SLC6A12: variants seen among roughly 807,000 people sequenced by gnomAD.
The protein encoded by SLC6A12 is sodium- and chloride-dependent betaine transporter.
SLC6A12 carries 50 observed loss-of-function variants against 73.3 expected under a neutral mutation model. That is an observed-to-expected ratio of 0.68 (90% CI 0.54 to 0.86). SLC6A12 has a LOEUF of 0.86. SLC6A12 is among the 40% of genes least tolerant of loss of function. The pLI is 0.00. For missense variants in SLC6A12, 648 were observed against 772.8 expected, an observed-to-expected ratio of 0.84 and a Z score of 1.92; for synonymous variants, 304 against 309.2, an observed-to-expected ratio of 0.98 and a Z score of 0.18.
downstream of SLC6A12, among the ~76,000 whole-genome samples, chr12:186,987 C>T (rs1939442542): frequency 1.3e-5 from 2 of 152,180 alleles, no homozygotes; most frequent in East Asian, 1.9e-4. Flanking sequence ...CTCCCCTGCC[C>T]AAAGTTCTCA....
chr12:184,062 A>G, the SLC6A12 span, among the ~76,000 whole-genome samples: 1 of 152,200 alleles, frequency 6.6e-6, no homozygotes, highest in Non-Finnish European at 1.5e-5. Context: ...TCTAAACACA[A>G]TATTAGCAAA....
At position 198,119 on chromosome 12, in the gene SLC6A12, C is replaced by T. The variant is rs536371222; in HGVS notation, c.847-116G>A. ...GCCTGGCCCCTCAGTGCTCCCTGAG[C>T]GCTTCCCTCCTGCATCCCAACTCTC... On this transcript the variant is annotated intron_variant, in intron 8 of 15. Transcript: ENST00000684302. The surrounding 1 kb of genome is among the most constrained non-coding windows in gnomAD (Gnocchi z 4.0). 1.5e-5 allele frequency: 11 copies of T among 741,026 alleles called. No individual in the cohort carries two copies. Among genetic ancestry groups the T allele is most frequent in the Admixed American group, 1.2e-4 (5 of 40,976 alleles). 45.9% of individuals were successfully genotyped at this position (741,026 alleles called of 1,614,324 possible).
In SLC6A12 at chr12:191,119, G is replaced by A. The variant is rs773615056; in HGVS notation, c.1794C>T (p.Pro598=). 8 of 1,357,002 alleles carry A rather than the reference G, an allele frequency of 5.9e-6. No individual in the cohort carries two copies. The Admixed American group carries it at 1.3e-4, about 22-fold the overall frequency. 84.1% of individuals were successfully genotyped at this position (1,357,002 alleles called of 1,614,324 possible). A position where few individuals can be genotyped will look rare whatever the true frequency, so the allele number is the denominator to read the frequency against. Residue 598 remains proline (P), a synonymous_variant, in exon 16 of 16, where the codon CCC becomes CCT. Transcript: ENST00000684302. ...LDGSAGRNFG[P]SPTREGLIAG... is the part of the protein sequence containing the mutation. The stretch of plus-strand genomic sequence containing the variant: ...CTATCAGTCCTTCCCTTGTTGGGGA[G>A]GGCCCAAAGTTCCGGCCAGCACTGC...
chr12:203,211 C>G, intron 4 of SLC6A12: 1 of 183,582 alleles, frequency 5.4e-6, no homozygotes, highest in Non-Finnish European at 1.1e-5. Context: ...GGACCACAGA[C>G]AGACCCGGCT....
rs1940359642 is a variant in SLC6A12 at position 202,963 on chromosome 12, TACAAGGGTATTGGGTGCTAC to T, written c.350-103_350-84del. 7.0e-6 allele frequency: 9 copies of T among 1,291,912 alleles called. No homozygotes were observed. The East Asian group carries it at 2.1e-4, about 30-fold the overall frequency. The allele number at this position is 1,291,912 out of a possible 1,614,324, so 80.0% of individuals were successfully genotyped here. ...TCACATAGAAGCTGCCAGTTGAGGTTACAAGGGTATTGGGTGCTACACAAAGAGCACCATTGGGGTTTATC... is the reference window on the plus strand; with the variant it reads ...TCACATAGAAGCTGCCAGTTGAGGTTACAAAGAGCACCATTGGGGTTTATC... On this transcript the variant is annotated intron_variant, in intron 4 of 15. Transcript: ENST00000684302.
intron 10 of SLC6A12, 88 bp downstream of exon 10, chr12:197,289 C>A: frequency 1.7e-5 from 25 of 1,438,828 alleles, no homozygotes; most frequent in Non-Finnish European, 2.2e-5. Context: ...TATTGCCCAT[C>A]TTCTGGGACT....
chr12:184,771 TAAA>T, the SLC6A12 span, among the ~76,000 whole-genome samples: 5 of 151,038 alleles, frequency 3.3e-5, no homozygotes, highest in Non-Finnish European at 5.9e-5. Flanking sequence ...AATAAAAAAA[TAAA>T]AATACAAAAA....
chr12:203,319 C>T (rs1340559050), intron 4 of SLC6A12: 2 of 156,528 alleles, frequency 1.3e-5, no homozygotes, highest in African/African-American at 4.8e-5. Flanking sequence ...ATCCTCCTGC[C>T]TCAGCCTCCC....
In SLC6A12 at chr12:196,143, C is replaced by T. The variant is rs1036480648; in HGVS notation, c.1307G>A (p.Gly436Glu). 1.3e-6 allele frequency: 2 copies of T among 1,564,220 alleles called. No homozygotes were observed. The highest frequency in any genetic ancestry group is 3.9e-5 in the Admixed American group (2 of 51,450). ...LTIAVMCYLI[G>E]LFLVTEGGMY... The stretch of plus-strand genomic sequence containing the variant: ...GCTCACCTCGGTGACCAGGAAAAGC[C>T]CTATCAGGTAGCACATGACGGCGAT... The change falls in exon 12 of 16, where the codon GGG (glycine) becomes GAG (glutamate). Residue 436 changes from glycine to glutamate, a missense_variant. By Grantham distance (98) the Gly-to-Glu change is moderately conservative. Coordinates refer to ENST00000684302, the MANE Select transcript of SLC6A12 (RefSeq NM_001122848.3).
rs1393801260 is a variant in SLC6A12, at chr12:190,791, CA to C, written c.*276del. 1.1e-5 allele frequency: 3 copies of C among 277,282 alleles called. No individual in the cohort carries two copies. The highest frequency in any genetic ancestry group is 2.2e-5 in the African/African-American group (1 of 45,690). The allele number at this position is 277,282 out of a possible 1,614,324, so 17.2% of individuals were successfully genotyped here. A position where few individuals can be genotyped will look rare whatever the true frequency, so the allele number is the denominator to read the frequency against. On this transcript the variant is annotated 3_prime_UTR_variant, in exon 16 of 16. Transcript: ENST00000684302. ...GGTGTTGCAATCAGATGGCGGCCTC[CA>C]AAAAGACCCCCCTTTATAAAAACGA...
chr12:204,929 G>A (rs1468650364), intron 3 of SLC6A12: 1 of 480,550 alleles, frequency 2.1e-6, no homozygotes, highest in East Asian at 3.2e-5. Context: ...GCCTTGGAAG[G>A]GAAATTAGTG....
intron 14 of SLC6A12, 137 bp downstream of exon 14, chr12:193,140 T>C: frequency 1.5e-6 from 1 of 676,854 alleles, no homozygotes; most frequent in Non-Finnish European, 2.7e-6. Flanking sequence ...GAAGGCAACA[T>C]AGAACAGGAA....
chr12:195,043 A>G (rs542453193), intron 13 of SLC6A12, among the ~76,000 whole-genome samples, 182 bp downstream of exon 13: 1 of 152,342 alleles, frequency 6.6e-6, no homozygotes, highest in Admixed American at 6.5e-5. Context: ...GCTTGCTGCC[A>G]TGAAAATGCC....
At chr12:188,214 G>C (rs575751894), downstream of SLC6A12, among the ~76,000 whole-genome samples, 58 of 152,314 alleles carry the variant, frequency 3.8e-4, no homozygotes, top group Non-Finnish European at 5.3e-4. Flanking sequence ...GCCCATGGAG[G>C]GGGAGGGAGG....
At chr12:205,083 A>G (rs575745175) in intron 3 of SLC6A12, 1 of 188,406 alleles carries the variant, frequency 5.3e-6, no homozygotes, top group African/African-American at 2.3e-5. Context: ...CATTTTAGAG[A>G]AAAACAAACA....
At chr12:187,477 T>A (rs911226713), downstream of SLC6A12, among the ~76,000 whole-genome samples, 5 of 151,438 alleles carry the variant, frequency 3.3e-5, no homozygotes, top group East Asian at 5.8e-4. Context: ...GATGGTTCAG[T>A]GGTCTCGCTG....
At chr12:197,847 C>A (rs1468805245) in intron 9 of SLC6A12, 53 bp downstream of exon 9, 1 of 1,318,500 alleles carries the variant, frequency 7.6e-7, no homozygotes, top group South Asian at 1.2e-5. Context: ...GCCCAGAACC[C>A]ATCCCCAGGC....
chr12:195,611 C>T (rs1185301678), intron 12 of SLC6A12, among the ~76,000 whole-genome samples: 1 of 152,186 alleles, frequency 6.6e-6, no homozygotes, highest in Non-Finnish European at 1.5e-5. Context: ...TTCTTTGTTC[C>T]TTTTAGACTG....
intron 4 of SLC6A12, 115 bp downstream of exon 4, chr12:204,449 G>C: frequency 9.5e-7 from 1 of 1,054,844 alleles, no homozygotes; most frequent in African/African-American, 1.5e-5. Context: ...ACTTGGCGCA[G>C]GATATGGGAG....
Sources: gnomAD v4.1 joint callset for allele counts (sites outside exome capture counted in the v4.1 genomes callset) on GRCh38, gnomAD v4.1.1 for gene constraint, Gnocchi (gnomAD v3.1) non-coding constraint, MANE v1.5 for transcripts, NCBI Gene and HGNC (gene_info 2026-07-23, HGNC 2026-07-21) for gene names.